AKAP13: variants seen among roughly 807,000 people sequenced by gnomAD.
AKAP13 encodes A-kinase anchor protein 13.
A neutral mutation model predicts 264.5 loss-of-function variants in AKAP13; 80 were observed. The ratio of observed to expected loss-of-function variants is 0.30; its 90% CI spans 0.25 to 0.36. AKAP13 has a LOEUF of 0.36. Ranked by LOEUF, AKAP13 falls within the 10% of genes least tolerant of loss-of-function variation. AKAP13 has a pLI of 1.00. For missense variants in AKAP13, 3,712 were observed against 3,435.2 expected, an observed-to-expected ratio of 1.08 and a Z score of -2.01; for synonymous variants, 1,380 against 1,250.2, an observed-to-expected ratio of 1.10 and a Z score of -2.19.
intron 12 of AKAP13, among the ~76,000 whole-genome samples, chr15:85,661,986 G>C (rs1467412145): frequency 2.0e-5 from 3 of 151,924 alleles, no homozygotes; most frequent in East Asian, 3.9e-4. Context: ...TCTAGGATTA[G>C]AGATACTATG....
chr15:85,735,528 T>A (rs1310646344), intron 31 of AKAP13, 32 bp from the exon 32 acceptor site: 248 of 1,221,002 alleles, frequency 2.0e-4, no homozygotes, highest in Non-Finnish European at 2.1e-4. Context: ...TTCACAACTT[T>A]AAAAAAAAAA....
intron 5 of AKAP13, among the ~76,000 whole-genome samples, chr15:85,550,171 T>C (rs1427915963): frequency 6.6e-6 from 1 of 152,184 alleles, no homozygotes; most frequent in Non-Finnish European, 1.5e-5. Context: ...TGCCTTGGCC[T>C]CCCAAAGTGC....
Position 85,384,714 on chromosome 15 carries a change from C to T in AKAP13, c.-12+3916C>T, listed in dbSNP as rs182967778. Among the ~76,000 whole-genome samples, 911 of 124,818 alleles carry T rather than the reference C, an allele frequency of 7.3e-3. 10 individuals carry two copies. Among genetic ancestry groups the T allele is most frequent in the African/African-American group, 0.024 (849 of 35,582 alleles). 81.9% of individuals were successfully genotyped at this position (124,818 alleles called of 152,430 possible). A position where few individuals can be genotyped will look rare whatever the true frequency, so the allele number is the denominator to read the frequency against. On this transcript the variant is annotated intron_variant, in intron 1 of 36. Transcript: ENST00000394518. ...TCTGGGCGACAGAGCGAGACTCCGT[C>T]TGAAAAAAAAAAAAAAAAAGGTTTG... is the stretch of plus-strand genomic sequence containing the variant.
chr15:85,540,189 T>C (rs1020754635), intron 4 of AKAP13, among the ~76,000 whole-genome samples: 13 of 152,076 alleles, frequency 8.5e-5, no homozygotes, highest in Non-Finnish European at 1.5e-5. Context: ...GGCCAAAATA[T>C]CACGTGAGGA....
At chr15:85,409,857 TC>T (rs2071872688) in intron 1 of AKAP13, among the ~76,000 whole-genome samples, 1 of 151,376 alleles carries the variant, frequency 6.6e-6, no homozygotes, top group Non-Finnish European at 1.5e-5. Flanking sequence ...GGTCTCTATA[TC>T]CTGACCTCAT....
intron 2 of AKAP13, among the ~76,000 whole-genome samples, chr15:85,513,247 C>T (rs2076502877): frequency 6.6e-6 from 1 of 152,144 alleles, no homozygotes; most frequent in South Asian, 2.1e-4. Context: ...GCTGAAGGAA[C>T]TTCTACATTT....
In AKAP13 at chr15:85,506,005, A is replaced by G. The variant is rs1367538247; in HGVS notation, c.34-15423A>G. On this transcript the variant is annotated intron_variant, in intron 2 of 36. Transcript: ENST00000394518. Reference sequence around the variant, plus strand: ...AGTATTTAAGATGAATTGTAGAAAGATTGTCAGGCCGGGCGTGGTGGCTCA... The same window carrying G: ...AGTATTTAAGATGAATTGTAGAAAGGTTGTCAGGCCGGGCGTGGTGGCTCA... Among the ~76,000 whole-genome samples the G allele has an allele frequency of 2.6e-5, 4 of 152,320 alleles. No homozygotes were observed. The East Asian group carries it at 7.7e-4, about 29-fold the overall frequency.
chr15:85,581,331 C>T lies in AKAP13; in HGVS notation c.3263C>T (p.Thr1088Met), dbSNP rs776089298. 3.3e-5 allele frequency: 53 copies of T among 1,614,062 alleles called. No individual in the cohort carries two copies. The highest frequency in any genetic ancestry group is 9.3e-5 in the African/African-American group (7 of 74,934). The change falls in exon 7 of 37, where the codon ACG becomes ATG. Residue 1088 changes from threonine (T) to methionine (M), a missense_variant. This residue lies in a region of AKAP13 where 2,759 missense variants were observed against 2,411.7 expected (regional missense o/e 1.14). Transcript: ENST00000394518. ...TSACEVSGDV[T>M]VDVTGVNALQ... ...GCCTGTGAGGTGAGTGGAGATGTGA[C>T]GGTGGATGTTACAGGGGTTAATGCT...
At position 85,613,691 on chromosome 15, in the gene AKAP13, A is replaced by AAAAAATATATAT. The variant is rs1313187436; in HGVS notation, c.4162-25682_4162-25681insAAAATATATATA. The stretch of plus-strand genomic sequence containing the variant: ...GCCAGACTCCGTCTAAAAAAAAAAA[A>AAAAAATATATAT]ATATATATATATATATATATATTAG... On this transcript the variant is annotated intron_variant, in intron 8 of 36. Transcript: ENST00000394518. 2.4e-3 allele frequency among the ~76,000 whole-genome samples: 224 copies of AAAAAATATATAT among 91,936 alleles called. 3 individuals are homozygous for AAAAAATATATAT. The highest frequency in any genetic ancestry group is 4.0e-3 in the Non-Finnish European group (181 of 45,058). 60.3% of individuals were successfully genotyped at this position (91,936 alleles called of 152,430 possible). A position where few individuals can be genotyped will look rare whatever the true frequency, so the allele number is the denominator to read the frequency against.
chr15:85,544,927 T>C (rs968353125), intron 5 of AKAP13, among the ~76,000 whole-genome samples: 3 of 152,252 alleles, frequency 2.0e-5, no homozygotes, highest in African/African-American at 4.8e-5. Context: ...TTTAACTGTG[T>C]ATATAGTCTG....
intron 2 of AKAP13, among the ~76,000 whole-genome samples, chr15:85,512,046 C>CTT (rs368313483): frequency 6.8e-6 from 1 of 147,658 alleles, no homozygotes; most frequent in Admixed American, 6.8e-5. Context: ...ATAAGACTGT[C>CTT]TTTTTTTTTT....
chr15:85,561,896 G>A (rs2078392633), intron 5 of AKAP13, among the ~76,000 whole-genome samples: 1 of 152,160 alleles, frequency 6.6e-6, no homozygotes, highest in Admixed American at 6.5e-5. Flanking sequence ...CTCTCAAAAT[G>A]TGTATTTTTA....
At chr15:85,742,943 C>T (rs2089151595) in intron 35 of AKAP13, among the ~76,000 whole-genome samples, 2 of 152,142 alleles carry the variant, frequency 1.3e-5, no homozygotes, top group African/African-American at 4.8e-5. Flanking sequence ...ATTCCACCCC[C>T]ATCCCAATAA....
intron 20 of AKAP13, 51 bp downstream of exon 20, chr15:85,715,974 CATA>C (rs749325344): frequency 6.6e-7 from 1 of 1,520,792 alleles, no homozygotes; most frequent in Admixed American, 2.3e-5. Flanking sequence ...GTGACCAGAG[CATA>C]ATAATCACAT....
Position 85,682,180 on chromosome 15 carries a change from C to T in AKAP13, c.5124C>T (p.Thr1708=), listed in dbSNP as rs1294610782. 3.7e-6 allele frequency: 6 copies of T among 1,613,550 alleles called. No homozygotes were observed. The highest frequency in any genetic ancestry group is 5.1e-6 in the Non-Finnish European group (6 of 1,179,932). Residue 1708 remains threonine (T), a synonymous_variant, in exon 15 of 37, where the codon ACC becomes ACT. Coordinates refer to ENST00000394518, the MANE Select transcript of AKAP13 (RefSeq NM_007200.5). ...TAGATTCACGGCCCTTCCACAGTAC[C>T]TTCCACAATACCAGTGCTAATCTGA... ...GLDNSRPFHS[T]FHNTSANLTE... is the part of the protein sequence containing the mutation.
At chr15:85,562,481 CT>C (rs1424997781) in intron 5 of AKAP13, among the ~76,000 whole-genome samples, 1 of 148,432 alleles carries the variant, frequency 6.7e-6, no homozygotes, top group Admixed American at 6.8e-5. Flanking sequence ...GGGAGAATCG[CT>C]TGTACCTGGA....
intron 16 of AKAP13, among the ~76,000 whole-genome samples, chr15:85,686,191 ATGTGTGTG>A (rs55994240): frequency 6.6e-6 from 1 of 151,354 alleles, no homozygotes; most frequent in African/African-American, 2.4e-5. Context: ...ACGTGCATGC[ATGTGTGTG>A]TGTGTGTGGT....
chr15:85,660,836 G>A (rs561099024), intron 12 of AKAP13, among the ~76,000 whole-genome samples: 1 of 152,234 alleles, frequency 6.6e-6, no homozygotes, highest in Non-Finnish European at 1.5e-5. Flanking sequence ...ATACTATTTA[G>A]TTTTAAATGA....
chr15:85,673,171 C>G (rs1423422946), intron 14 of AKAP13, among the ~76,000 whole-genome samples: 1 of 152,148 alleles, frequency 6.6e-6, no homozygotes, highest in Non-Finnish European at 1.5e-5. Context: ...GAAAAACAGA[C>G]AAACTTGTAG....
Sources: gnomAD v4.1 joint callset for allele counts (sites outside exome capture counted in the v4.1 genomes callset) on GRCh38, gnomAD v4.1.1 for gene constraint, gnomAD v4.1.1 regional missense constraint, MANE v1.5 for transcripts, NCBI Gene and HGNC (gene_info 2026-07-23, HGNC 2026-07-21) for gene names.